The following SPRING1 variants were observed in gnomAD, a reference collection of about 807,000 sequenced individuals.
The protein encoded by SPRING1 is SREBP regulating gene protein.
SPRING1 carries 14 observed loss-of-function variants against 24.7 expected under a neutral mutation model. The ratio of observed to expected loss-of-function variants is 0.57; its 90% CI spans 0.37 to 0.88. The LOEUF (loss-of-function observed/expected upper bound fraction) is 0.88, where lower values mean the gene tolerates loss of function less well. Ranked by LOEUF, SPRING1 falls within the 40% of genes least tolerant of loss-of-function variation. The pLI, the probability that SPRING1 is intolerant of heterozygous loss-of-function variation, is 0.00. For synonymous variants in SPRING1, 93 were observed against 106.1 expected, an observed-to-expected ratio of 0.88 and a Z score of 0.76; for missense variants, 255 against 268.4, an observed-to-expected ratio of 0.95 and a Z score of 0.35.
chr12:116,732,617 G>T (rs112363403), intron 1 of SPRING1, among the ~76,000 whole-genome samples: 24 of 152,362 alleles, frequency 1.6e-4, no homozygotes, highest in African/African-American at 5.3e-4. Flanking sequence ...TGAAGCAGGA[G>T]AATCACTTGA....
At chr12:116,731,280 C>A (rs952443328) in intron 1 of SPRING1, among the ~76,000 whole-genome samples, 1 of 152,148 alleles carries the variant, frequency 6.6e-6, no homozygotes, top group Non-Finnish European at 1.5e-5. Flanking sequence ...ACTGGCTTGA[C>A]CCCCCATGAC....
rs1869854229 is a variant in SPRING1, at chr12:116,711,096, AT to A, written c.*6713del. On this transcript the variant is annotated 3_prime_UTR_variant, in exon 5 of 5. Coordinates refer to ENST00000261318, the MANE Select transcript of SPRING1 (RefSeq NM_024738.4). ...TAATGTCATCACATTTACTATTCAAATTAGCATCAACTGGTCAAATATTTAT... is the reference window on the plus strand; with the variant it reads ...TAATGTCATCACATTTACTATTCAAATAGCATCAACTGGTCAAATATTTAT... The A allele has an allele frequency of 6.6e-6, 1 of 152,210 alleles. No homozygotes were observed. The highest frequency in any genetic ancestry group is 6.5e-5 in the Admixed American group (1 of 15,270). 9.4% of individuals were successfully genotyped at this position (152,210 alleles called of 1,614,324 possible).
rs989751391 is a variant in SPRING1, at chr12:116,728,992, T to A, written c.112-5769A>T. On this transcript the variant is annotated intron_variant, in intron 1 of 4. Transcript: ENST00000261318. This position sits in a 1 kb window ranked among gnomAD's most constrained non-coding sequence, Gnocchi z 4.2. ...TATTGATGCTTACCATATTGAAAAT[T>A]AAAACATAAATCCTTAAAATGTTTA... Among the ~76,000 whole-genome samples, 2 of 152,230 alleles carry A rather than the reference T, an allele frequency of 1.3e-5. No homozygotes were observed. Among genetic ancestry groups the A allele is most frequent in the Non-Finnish European group, 2.9e-5 (2 of 68,046 alleles).
At chr12:116,731,718 C>G (rs1413923409) in intron 1 of SPRING1, among the ~76,000 whole-genome samples, 1 of 152,118 alleles carries the variant, frequency 6.6e-6, no homozygotes, top group African/African-American at 2.4e-5. Flanking sequence ...CCACTTTACC[C>G]CAGCCTGGAT....
Position 116,726,233 on chromosome 12 carries a change from T to A in SPRING1, c.112-3010A>T, listed in dbSNP as rs942591793. On this transcript the variant is annotated intron_variant, in intron 1 of 4. Transcript: ENST00000261318. ...CAATATTAGGCCCAGGTTTTTGTTA[T>A]CATAGATAATACTGCAATAAAATGT... 4.6e-5 allele frequency among the ~76,000 whole-genome samples: 7 copies of A among 152,264 alleles called. No individual in the cohort carries two copies. The South Asian group carries it at 8.3e-4, about 18-fold the overall frequency.
chr12:116,724,225 T>C (rs1271982721), intron 1 of SPRING1, among the ~76,000 whole-genome samples: 1 of 152,228 alleles, frequency 6.6e-6, no homozygotes, highest in Admixed American at 6.5e-5. Flanking sequence ...AAGAAGCTTA[T>C]ATACTTAAAA....
rs1391584324 is a variant in SPRING1, at chr12:116,713,555, C to T, written c.*4255G>A. 1.3e-5 allele frequency: 2 copies of T among 152,222 alleles called. No homozygotes were observed. Among genetic ancestry groups the T allele is most frequent in the Admixed American group, 1.3e-4 (2 of 15,290 alleles). 9.4% of individuals were successfully genotyped at this position (152,222 alleles called of 1,614,324 possible). A position where few individuals can be genotyped will look rare whatever the true frequency, so the allele number is the denominator to read the frequency against. On this transcript the variant is annotated 3_prime_UTR_variant, in exon 5 of 5. Coordinates refer to ENST00000261318, the MANE Select transcript of SPRING1 (RefSeq NM_024738.4). ...TATGACAAAAATGGACACTTCCATA[C>T]ACACTAGGTGAATATATTGGTGAAA...
chr12:116,721,807 G>C (rs1870448327), intron 2 of SPRING1, among the ~76,000 whole-genome samples: 1 of 152,170 alleles, frequency 6.6e-6, no homozygotes, highest in Non-Finnish European at 1.5e-5. Context: ...AACTCTGCCA[G>C]TTGAAATTCT....
intron 1 of SPRING1, among the ~76,000 whole-genome samples, chr12:116,737,532 GAGGAAGGT>G: frequency 1.7e-4 from 1 of 5,804 alleles, no homozygotes. Context: ...AAGGAAGGAG[GAGGAAGGT>G]GAGGAAGGTA....
At chr12:116,732,577 C>G (rs1043187813) in intron 1 of SPRING1, among the ~76,000 whole-genome samples, 6 of 152,194 alleles carry the variant, frequency 3.9e-5, no homozygotes, top group African/African-American at 1.4e-4. Flanking sequence ...CATGGTGGTG[C>G]ACGCCTGTAA....
In SPRING1 at chr12:116,717,682, G is replaced by T; in HGVS notation, c.*128C>A. The T allele has an allele frequency of 2.4e-6, 2 of 824,446 alleles. No homozygotes were observed. Among genetic ancestry groups the T allele is most frequent in the Non-Finnish European group, 3.7e-6 (2 of 540,772 alleles). 51.1% of individuals were successfully genotyped at this position (824,446 alleles called of 1,614,324 possible). On this transcript the variant is annotated 3_prime_UTR_variant, in exon 5 of 5. Coordinates refer to ENST00000261318, the MANE Select transcript of SPRING1 (RefSeq NM_024738.4). This position sits in a 1 kb window ranked among gnomAD's most constrained non-coding sequence, Gnocchi z 4.2. ...GATGACAACACGAGAAGGGGTCAAAGCCAAGGTTTCCTCACGCTGCCTTTG... is the reference window on the plus strand; with the variant it reads ...GATGACAACACGAGAAGGGGTCAAATCCAAGGTTTCCTCACGCTGCCTTTG...
Position 116,711,462 on chromosome 12 carries a change from G to A in SPRING1, c.*6348C>T, listed in dbSNP as rs996702331. ...AGGCAGGAGAATGGCGTGAACCCAG[G>A]AGGCAGAGCTTGCAGCGAGCCCAGA... On this transcript the variant is annotated 3_prime_UTR_variant, in exon 5 of 5. Coordinates refer to ENST00000261318, the MANE Select transcript of SPRING1 (RefSeq NM_024738.4). 3.9e-5 allele frequency: 6 copies of A among 152,140 alleles called. No homozygotes were observed. The highest frequency in any genetic ancestry group is 1.3e-4 in the Admixed American group (2 of 15,258). The allele number at this position is 152,140 out of a possible 1,614,324, so 9.4% of individuals were successfully genotyped here. A position where few individuals can be genotyped will look rare whatever the true frequency, so the allele number is the denominator to read the frequency against.
chr12:116,722,889 G>A (rs1372119762), intron 2 of SPRING1, among the ~76,000 whole-genome samples, 178 bp downstream of exon 2: 1 of 152,242 alleles, frequency 6.6e-6, no homozygotes, highest in African/African-American at 2.4e-5. Flanking sequence ...CTTCTCTGAT[G>A]TTGAAGGGAA....
At chr12:116,718,270 C>T (rs1451321332) in intron 4 of SPRING1, among the ~76,000 whole-genome samples, 4 of 152,190 alleles carry the variant, frequency 2.6e-5, no homozygotes, top group South Asian at 2.1e-4. Flanking sequence ...ACTCAGTTCC[C>T]GTAAGGAACC....
At chr12:116,726,404 G>A (rs1223425088) in intron 1 of SPRING1, among the ~76,000 whole-genome samples, 4 of 152,122 alleles carry the variant, frequency 2.6e-5, no homozygotes, top group South Asian at 2.1e-4. Flanking sequence ...CACCAGTAGC[G>A]GATTTTGTTC....
At position 116,737,973 on chromosome 12, in the gene SPRING1, C is replaced by A; in HGVS notation, c.-73G>T. The stretch of plus-strand genomic sequence containing the variant: ...GCCCGGGTCCCGGGCGGCATGGCCC[C>A]TACGCGCCCGGCAGCCCCATCCCTC... On this transcript the variant is annotated 5_prime_UTR_variant, in exon 1 of 5. In the 5' UTR this introduces an upstream ATG that the reference lacks. Coordinates refer to ENST00000261318, the MANE Select transcript of SPRING1 (RefSeq NM_024738.4). The A allele has an allele frequency of 8.1e-7, 1 of 1,233,090 alleles. No homozygotes were observed. Among genetic ancestry groups the A allele is most frequent in the Non-Finnish European group, 1.0e-6 (1 of 981,682 alleles). 76.4% of individuals were successfully genotyped at this position (1,233,090 alleles called of 1,614,324 possible). A position where few individuals can be genotyped will look rare whatever the true frequency, so the allele number is the denominator to read the frequency against.
Position 116,720,422 on chromosome 12 carries a change from C to T in SPRING1, c.294G>A (p.Leu98=). 2 of 1,614,156 alleles carry T rather than the reference C, an allele frequency of 1.2e-6. No individual in the cohort carries two copies. The highest frequency in any genetic ancestry group is 1.7e-6 in the Non-Finnish European group (2 of 1,180,006). ...ELGYVCERKD[L]LVNGCCNVNV... ...TGACATTACAGCAGCCATTTACCAGCAAATCCTTCCTCTCGCAAACGTAGC... is the reference window on the plus strand; with the variant it reads ...TGACATTACAGCAGCCATTTACCAGTAAATCCTTCCTCTCGCAAACGTAGC... The change falls in exon 3 of 5, where the codon TTG becomes TTA. Residue 98 remains leucine (L), a synonymous_variant. Transcript: ENST00000261318. This position sits in a 1 kb window ranked among gnomAD's most constrained non-coding sequence, Gnocchi z 4.0.
At chr12:116,724,017 G>A (rs1207090638) in intron 1 of SPRING1, among the ~76,000 whole-genome samples, 2 of 152,088 alleles carry the variant, frequency 1.3e-5, no homozygotes, top group East Asian at 3.9e-4. Context: ...AAACTAAAGA[G>A]GAAGCTGCCT....
At position 116,717,748 on chromosome 12, in the gene SPRING1, C is replaced by G; in HGVS notation, c.*62G>C. 7.0e-7 allele frequency: 1 copy of G among 1,418,442 alleles called. No homozygotes were observed. The allele number at this position is 1,418,442 out of a possible 1,614,324, so 87.9% of individuals were successfully genotyped here. A position where few individuals can be genotyped will look rare whatever the true frequency, so the allele number is the denominator to read the frequency against. ...CTGGCCCGATGGCTGAAGCTGGGTC[C>G]CAGGAGGCGAGTTCTTCAGCGGGGC... On this transcript the variant is annotated 3_prime_UTR_variant, in exon 5 of 5. Coordinates refer to ENST00000261318, the MANE Select transcript of SPRING1 (RefSeq NM_024738.4). This position sits in a 1 kb window ranked among gnomAD's most constrained non-coding sequence, Gnocchi z 4.2.
Sources: allele counts gnomAD v4.1 joint callset (sites outside exome capture counted in the v4.1 genomes callset), GRCh38; gene constraint gnomAD v4.1.1; non-coding constraint Gnocchi (gnomAD v3.1); transcripts MANE v1.5; gene names NCBI Gene and HGNC (gene_info 2026-07-23, HGNC 2026-07-21).